Variants in ZMAT1 observed in about 807,000 individuals in gnomAD.
ZMAT1 encodes the protein zinc finger matrin-type 1, also known as zinc finger matrin-type protein 1.
Under a neutral mutation model 18.5 loss-of-function variants are expected in ZMAT1, and 11 were observed. The observed-to-expected ratio is 0.59, with a 90% CI of 0.37 to 0.98. The LOEUF (loss-of-function observed/expected upper bound fraction) is 0.98. Among genes scored for constraint, ZMAT1 ranks in the 50% least tolerant of loss-of-function variants. ZMAT1 has a pLI of 0.01. For synonymous variants in ZMAT1, 211 were observed against 176.4 expected, an observed-to-expected ratio of 1.20 and a Z score of -1.55; for missense variants, 525 against 496.2, an observed-to-expected ratio of 1.06 and a Z score of -0.55.
chrX:101,916,251 C>T (rs1286351958), intron 1 of ZMAT1, among the ~76,000 whole-genome samples: 1 of 109,183 alleles, frequency 9.2e-6, no homozygotes, highest in African/African-American at 3.3e-5. Flanking sequence ...GGGGTGGGGG[C>T]GAAAGGAGGG....
chrX:101,926,984 G>C (rs1930094655), intron 1 of ZMAT1, among the ~76,000 whole-genome samples: 1 of 112,114 alleles, frequency 8.9e-6, no homozygotes, highest in Admixed American at 9.5e-5. Flanking sequence ...GCAAACTTCA[G>C]GACTGGCTGC....
At position 101,890,792 on chromosome X, in the gene ZMAT1, G is replaced by A. The variant is rs376759797; in HGVS notation, c.677-4061C>T. Among the ~76,000 whole-genome samples, 17 of 111,257 alleles carry A rather than the reference G, an allele frequency of 1.5e-4. 3 individuals are homozygous for A. Among genetic ancestry groups the A allele is most frequent in the South Asian group, 1.1e-3 (3 of 2,642 alleles). On this transcript the variant is annotated intron_variant, in intron 4 of 5. Transcript: ENST00000651725. ...GCTAAACTTGGAGGGATGATGAATA[G>A]TTAACCTGAAAAGAGTTGAGAAGAG...
At chrX:101,902,370 A>G (rs1928302688) in intron 2 of ZMAT1, among the ~76,000 whole-genome samples, 1 of 111,920 alleles carries the variant, frequency 8.9e-6, no homozygotes, top group Non-Finnish European at 1.9e-5. Flanking sequence ...GATATCAACT[A>G]ATGTGTGGCA....
intron 1 of ZMAT1, among the ~76,000 whole-genome samples, chrX:101,929,882 A>T (rs1261274521): frequency 9.0e-6 from 1 of 111,277 alleles, no homozygotes; most frequent in African/African-American, 3.3e-5. Context: ...GAGTGTGGGG[A>T]GTTTTACTCC....
intron 1 of ZMAT1, among the ~76,000 whole-genome samples, chrX:101,919,344 T>G (rs1929567687): frequency 1.8e-5 from 2 of 111,655 alleles, no homozygotes; most frequent in Admixed American, 1.9e-4. Context: ...ATGTGCAAGG[T>G]AAGTGGCACA....
In ZMAT1 at chrX:101,884,015, G is replaced by C. The variant is rs1926708175; in HGVS notation, c.1583C>G (p.Pro528Arg). ...VVENQLPHCLPAHDSKQRLDS... is the reference protein window; with the variant it reads ...VVENQLPHCLRAHDSKQRLDS... ...TAGTCTCTGTTTGCTATCATGAGCT[G>C]GTAAGCAATGAGGTAACTGGTTTTC... The change falls in exon 6 of 6, where the codon CCA becomes CGA. Residue 528 changes from proline (P) to arginine (R), a missense_variant. By Grantham distance (103) the Pro-to-Arg change is moderately radical. Coordinates refer to ENST00000651725, the MANE Select transcript of ZMAT1 (RefSeq NM_001394560.1). The C allele has an allele frequency of 2.5e-6, 3 of 1,208,358 alleles. No homozygotes were observed. Among genetic ancestry groups the C allele is most frequent in the Non-Finnish European group, 3.4e-6 (3 of 894,751 alleles).
chrX:101,931,464 A>G (rs1360023237), intron 1 of ZMAT1: 3 of 753,814 alleles, frequency 4.0e-6, no homozygotes, highest in South Asian at 1.3e-4. Context: ...CCTCATGAGT[A>G]CCTGCAATTC....
chrX:101,909,399 A>G (rs1444679891), intron 1 of ZMAT1, among the ~76,000 whole-genome samples: 1 of 111,404 alleles, frequency 9.0e-6, no homozygotes, highest in Non-Finnish European at 1.9e-5. Flanking sequence ...AGGGAAAAGT[A>G]AAGAGGACTT....
At chrX:101,927,417 A>T (rs1223229446) in intron 1 of ZMAT1, among the ~76,000 whole-genome samples, 3 of 112,189 alleles carry the variant, frequency 2.7e-5, no homozygotes, top group Non-Finnish European at 5.6e-5. Flanking sequence ...TTTTCAGTTT[A>T]TAAGACTACC....
Position 101,897,906 on chromosome X carries a change from T to A in ZMAT1, c.638A>T (p.His213Leu). The change falls in exon 4 of 6, where the codon CAT (histidine) becomes CTT (leucine). Residue 213 changes from histidine (H) to leucine (L), a missense_variant. Physicochemically the swap from His to Leu is moderately conservative, Grantham distance 99 (BLOSUM62 -3). Coordinates refer to ENST00000651725, the MANE Select transcript of ZMAT1 (RefSeq NM_001394560.1). ...AKKLKQLMEE[H>L]DQASPSGFQP... ...AAATCCTGATGGAGATGCCTGATCA[T>A]GTTCCTCCATTAATTGCTTCAGTTT... 8.3e-7 allele frequency: 1 copy of A among 1,211,618 alleles called. No homozygotes were observed. Among genetic ancestry groups the A allele is most frequent in the Non-Finnish European group, 1.1e-6 (1 of 895,351 alleles).
intron 4 of ZMAT1, chrX:101,890,303 C>T (rs1927286421): frequency 8.9e-6 from 1 of 111,774 alleles, no homozygotes; most frequent in Non-Finnish European, 1.9e-5. Context: ...CCTTGAGGGG[C>T]TATAATTGTA....
At chrX:101,927,979 T>G (rs1407816344) in intron 1 of ZMAT1, among the ~76,000 whole-genome samples, 1 of 112,168 alleles carries the variant, frequency 8.9e-6, no homozygotes, top group Non-Finnish European at 1.9e-5. Context: ...TATCTCCACC[T>G]GCCAAATGCA....
Position 101,884,544 on chromosome X carries a change from G to T in ZMAT1, c.1054C>A (p.Pro352Thr). The stretch of plus-strand genomic sequence containing the variant: ...GAGTCATATGTCTTCTTTGAATGAG[G>T]TAACTGCTTTTCCATTGCTTGTGAA... ...NISQAMEKQL[P>T]HSKKTYDSFQ... Residue 352 changes from proline to threonine, a missense_variant, in exon 6 of 6, where the codon CCT becomes ACT. Transcript: ENST00000651725. 1 of 1,210,633 alleles carries T rather than the reference G, an allele frequency of 8.3e-7. No individual in the cohort carries two copies. The highest frequency in any genetic ancestry group is 1.1e-6 in the Non-Finnish European group (1 of 895,087).
chrX:101,902,539 C>G (rs1343272052), intron 2 of ZMAT1, among the ~76,000 whole-genome samples: 1 of 111,099 alleles, frequency 9.0e-6, no homozygotes, highest in African/African-American at 3.3e-5. Flanking sequence ...ATAAAAGCCT[C>G]AAAACAAACC....
chrX:101,918,046 G>A (rs1403105870), intron 1 of ZMAT1, among the ~76,000 whole-genome samples: 1 of 111,833 alleles, frequency 8.9e-6, no homozygotes, highest in Non-Finnish European at 1.9e-5. Context: ...GAATAGTAGT[G>A]GGGGGTTGGT....
chrX:101,891,961 G>A (rs897877024), intron 4 of ZMAT1, among the ~76,000 whole-genome samples: 1 of 111,245 alleles, frequency 9.0e-6, no homozygotes, highest in African/African-American at 3.3e-5. Context: ...AGAACTCAGG[G>A]TTACAGGAGG....
At position 101,884,280 on chromosome X, in the gene ZMAT1, T is replaced by G; in HGVS notation, c.1318A>C (p.Thr440Pro). 8.3e-7 allele frequency: 1 copy of G among 1,209,801 alleles called. No homozygotes were observed. The change falls in exon 6 of 6, where the codon ACC becomes CCC. Residue 440 changes from threonine (T) to proline (P), a missense_variant. Coordinates refer to ENST00000651725, the MANE Select transcript of ZMAT1 (RefSeq NM_001394560.1). ...GAATCATATGTCCTCTTTGAATGGG[T>G]TGGTAGCCACTGAGGTAACTGGCTT... Reference protein sequence around the residue: ...VESQLPQWLPTHSKRTYDSFQ... With the variant: ...VESQLPQWLPPHSKRTYDSFQ...
chrX:101,889,733 C>T (rs150807299), intron 4 of ZMAT1: 1 of 111,570 alleles, frequency 9.0e-6, no homozygotes, highest in East Asian at 2.8e-4. Context: ...GAGAGCTGCA[C>T]ATAATCAAAA....
intron 1 of ZMAT1, among the ~76,000 whole-genome samples, chrX:101,909,461 G>A (rs1449250114): frequency 8.9e-6 from 1 of 111,978 alleles, no homozygotes; most frequent in African/African-American, 3.2e-5. Context: ...GGCATCAAGC[G>A]GGCTCCTGGG....
Sources: allele counts gnomAD v4.1 joint callset (sites outside exome capture counted in the v4.1 genomes callset), GRCh38; gene constraint gnomAD v4.1.1; transcripts MANE v1.5; gene names NCBI Gene and HGNC (gene_info 2026-07-23, HGNC 2026-07-21).